Variants in ASH2L observed in about 807,000 individuals in gnomAD.
ASH2L encodes the protein set1/Ash2 histone methyltransferase complex subunit ASH2.
ASH2L carries 30 observed loss-of-function variants against 81.1 expected under a neutral mutation model. That is an observed-to-expected ratio of 0.37 (90% CI 0.28 to 0.50). The LOEUF is 0.50. ASH2L is among the 20% of genes least tolerant of loss of function. The pLI, the probability that ASH2L is intolerant of heterozygous loss-of-function variation, is 0.95. For synonymous variants in ASH2L, 273 were observed against 279.9 expected, an observed-to-expected ratio of 0.98 and a Z score of 0.24; for missense variants, 559 against 792.1, an observed-to-expected ratio of 0.71 and a Z score of 3.53.
intron 12 of ASH2L, among the ~76,000 whole-genome samples, chr8:38,130,634 T>C (rs1202460524): frequency 6.6e-6 from 1 of 152,146 alleles, no homozygotes; most frequent in African/African-American, 2.4e-5. Context: ...AGTCTCGCTC[T>C]GTTGCCCAGG....
At chr8:38,132,620 G>A (rs926193760) in intron 12 of ASH2L, among the ~76,000 whole-genome samples, 9 of 151,768 alleles carry the variant, frequency 5.9e-5, no homozygotes, top group South Asian at 4.2e-4. Context: ...CCAACATGGC[G>A]AAACCCCGTC....
chr8:38,114,668 G>T, intron 6 of ASH2L: 1 of 493,060 alleles, frequency 2.0e-6, no homozygotes, highest in Non-Finnish European at 3.6e-6. Flanking sequence ...TGTTAACAGT[G>T]CTTATCTTTG....
intron 14 of ASH2L, 192 bp from the exon 15 acceptor site, chr8:38,138,624 T>C (rs1802363622): frequency 1.8e-6 from 1 of 550,374 alleles, no homozygotes. Context: ...CAGATCTCTT[T>C]TAGTTACCTA....
In ASH2L at chr8:38,105,571, A is replaced by G; in HGVS notation, c.21A>G (p.Gly7=). The G allele has an allele frequency of 6.3e-7, 1 of 1,581,040 alleles. No homozygotes were observed. Among genetic ancestry groups the G allele is most frequent in the Non-Finnish European group, 8.6e-7 (1 of 1,162,344 alleles). The change falls in exon 1 of 16, where the codon GGA becomes GGG. Residue 7 remains glycine, a synonymous_variant. Coordinates refer to ENST00000343823, the MANE Select transcript of ASH2L (RefSeq NM_004674.5). The part of the protein sequence containing the change: MAAAGA[G]PGQEAGAGPG... ...CCGTGATGGCGGCGGCAGGAGCAGG[A>G]CCTGGCCAGGAAGCGGGTGCCGGGC...
chr8:38,108,895 CAT>C (rs1427516616), intron 3 of ASH2L, among the ~76,000 whole-genome samples: 2 of 152,102 alleles, frequency 1.3e-5, no homozygotes, highest in Non-Finnish European at 2.9e-5. Context: ...GCCTAGGCAA[CAT>C]AGTGAGACCC....
intron 5 of ASH2L, 66 bp downstream of exon 5, chr8:38,110,899 C>G: frequency 7.9e-7 from 1 of 1,262,020 alleles, no homozygotes; most frequent in East Asian, 2.4e-5. Context: ...AAATATACTC[C>G]CTAACAAGTA....
In ASH2L at chr8:38,105,705, C is replaced by A. The variant is rs1343896761; in HGVS notation, c.155C>A (p.Thr52Lys). The change falls in exon 1 of 16, where the codon ACA (threonine) becomes AAA (lysine). Residue 52 changes from threonine to lysine, a missense_variant. Coordinates refer to ENST00000343823, the MANE Select transcript of ASH2L (RefSeq NM_004674.5). Reference sequence around the variant, plus strand: ...GGAGAGGGGATCTCTGCTGCTCCGACAGTTGAGCCCAGTTCCGGGGAGGCT... The same window carrying A: ...GGAGAGGGGATCTCTGCTGCTCCGAAAGTTGAGCCCAGTTCCGGGGAGGCT... ...PPGEGISAAP[T>K]VEPSSGEAEG... 6.5e-7 allele frequency: 1 copy of A among 1,548,492 alleles called. No individual in the cohort carries two copies. Among genetic ancestry groups the A allele is most frequent in the Admixed American group, 2.1e-5 (1 of 48,260 alleles).
chr8:38,127,740 C>T (rs1381705377), intron 10 of ASH2L, among the ~76,000 whole-genome samples: 1 of 136,966 alleles, frequency 7.3e-6, no homozygotes, highest in Non-Finnish European at 1.5e-5. Flanking sequence ...AAGACTCTGT[C>T]TCAAAAAAAA....
intron 6 of ASH2L, among the ~76,000 whole-genome samples, chr8:38,114,496 A>G (rs1438134996): frequency 6.6e-6 from 1 of 152,174 alleles, no homozygotes; most frequent in Non-Finnish European, 1.5e-5. Context: ...CATTGCCCGC[A>G]TACACCTGGT....
chr8:38,114,025 A>G (rs1019694743), intron 5 of ASH2L, among the ~76,000 whole-genome samples, 167 bp from the exon 6 acceptor site: 45 of 152,254 alleles, frequency 3.0e-4, no homozygotes, highest in African/African-American at 1.1e-3. Flanking sequence ...TGAAATATTC[A>G]GAGATTAAAA....
At chr8:38,129,843 C>T (rs2130559923) in intron 12 of ASH2L, among the ~76,000 whole-genome samples, 1 of 152,196 alleles carries the variant, frequency 6.6e-6, no homozygotes, top group East Asian at 1.9e-4. Flanking sequence ...ATGAATGTGC[C>T]CCAGTGTGTT....
At position 38,105,618 on chromosome 8, in the gene ASH2L, A is replaced by G; in HGVS notation, c.68A>G (p.Asn23Ser). 1.2e-6 allele frequency: 2 copies of G among 1,605,894 alleles called. No individual in the cohort carries two copies. Among genetic ancestry groups the G allele is most frequent in the South Asian group, 2.2e-5 (2 of 90,182 alleles). The change falls in exon 1 of 16, where the codon AAT becomes AGT. Residue 23 changes from asparagine (N) to serine (S), a missense_variant. Around this residue, in one of 4 missense-constraint regions of ASH2L, gnomAD observed 145 missense variants for 115.5 expected, o/e 1.26. Transcript: ENST00000343823. The part of the protein sequence containing the change: ...GAGPGPGAVA[N>S]ATGAEEGEMK... ...GGGCCTGGCCCAGGAGCGGTCGCAA[A>G]TGCAACAGGGGCAGAAGAGGGGGAG...
chr8:38,123,900 G>C (rs1442018678), intron 10 of ASH2L, among the ~76,000 whole-genome samples: 1 of 152,150 alleles, frequency 6.6e-6, no homozygotes, highest in East Asian at 1.9e-4. Context: ...GAAGGCAGTG[G>C]CGTGATCTCG....
At chr8:38,138,265 G>A (rs1013000639) in intron 14 of ASH2L, 1 of 154,200 alleles carries the variant, frequency 6.5e-6, no homozygotes. Context: ...GGACAACAGA[G>A]TCAGAGCCTG....
At chr8:38,125,250 TTTC>T (rs1396444048) in intron 10 of ASH2L, among the ~76,000 whole-genome samples, 1 of 152,210 alleles carries the variant, frequency 6.6e-6, no homozygotes, top group Non-Finnish European at 1.5e-5. Context: ...TATCTGTTTA[TTTC>T]TTTTTCTTTT....
intron 10 of ASH2L, among the ~76,000 whole-genome samples, 154 bp downstream of exon 10, chr8:38,121,303 G>A (rs1811132802): frequency 7.1e-6 from 1 of 140,144 alleles, no homozygotes; most frequent in African/African-American, 2.7e-5. Context: ...AAGAAATTCT[G>A]TTCCTTCCTA....
At chr8:38,125,358 C>T (rs1218022434) in intron 10 of ASH2L, among the ~76,000 whole-genome samples, 4 of 152,122 alleles carry the variant, frequency 2.6e-5, no homozygotes, top group Non-Finnish European at 5.9e-5. Flanking sequence ...CAGTGGCTCA[C>T]GCCTGTAATC....
chr8:38,106,164 T>C (rs1002193745), intron 1 of ASH2L: 1 of 1,532,040 alleles, frequency 6.5e-7, no homozygotes, highest in East Asian at 2.5e-5. Flanking sequence ...AAAGGCCGGT[T>C]AGGCTTCCCT....
At chr8:38,115,550 C>G (rs1479587293) in intron 7 of ASH2L, among the ~76,000 whole-genome samples, 1 of 152,148 alleles carries the variant, frequency 6.6e-6, no homozygotes, top group Non-Finnish European at 1.5e-5. Context: ...GCCTGTAATC[C>G]TAGCACTTTT....
Sources: gnomAD v4.1 joint callset for allele counts (sites outside exome capture counted in the v4.1 genomes callset) on GRCh38, gnomAD v4.1.1 for gene constraint, gnomAD v4.1.1 regional missense constraint, MANE v1.5 for transcripts, NCBI Gene and HGNC (gene_info 2026-07-23, HGNC 2026-07-21) for gene names.